TMEM235: variants seen among roughly 807,000 people sequenced by gnomAD.
TMEM235 encodes claudin-27.
Under a neutral mutation model 22.9 loss-of-function variants are expected in TMEM235, and 23 were observed. The observed-to-expected ratio is 1.00, with a 90% CI of 0.72 to 1.42. The LOEUF (loss-of-function observed/expected upper bound fraction) is 1.42. Among genes scored for constraint, TMEM235 ranks in the 40% most tolerant of loss-of-function variants. The pLI is 0.00. For missense variants in TMEM235, 308 were observed against 299.5 expected, an observed-to-expected ratio of 1.03 and a Z score of -0.21; for synonymous variants, 137 against 140.5, an observed-to-expected ratio of 0.98 and a Z score of 0.17.
rs2076611164 is a variant in TMEM235 at position 78,233,817 on chromosome 17, G to T, written c.191-78G>T. On this transcript the variant is annotated intron_variant, in intron 2 of 5. Coordinates refer to ENST00000421688, the Ensembl canonical transcript of TMEM235. ...AGCTGGCAGGGCCCTGTGGTGCCAG[G>T]GGGTCCCCTGGGCTCGGGTAGGCTG... 29 of 1,365,276 alleles carry T rather than the reference G, an allele frequency of 2.1e-5. 1 individual carries two copies. Among genetic ancestry groups the T allele is most frequent in the Non-Finnish European group, 2.6e-5 (26 of 998,164 alleles). The allele number at this position is 1,365,276 out of a possible 1,614,324, so 84.6% of individuals were successfully genotyped here.
chr17:78,231,955 C>T, exon 2 of TMEM235: 1 of 1,067,792 alleles, frequency 9.4e-7, no homozygotes, highest in Non-Finnish European at 1.1e-6. Flanking sequence ...CGGCTCCCGG[C>T]TCCGCGCGCC....
chr17:78,238,201 G>C lies in TMEM235; in HGVS notation c.410-823G>C, dbSNP rs2076665355. ...ACAGGAAAATGCCCTGGAGGCATGGGCCGAGTCCCCTACCTAGCTCGTTGC... is the reference window on the plus strand; with the variant it reads ...ACAGGAAAATGCCCTGGAGGCATGGCCCGAGTCCCCTACCTAGCTCGTTGC... On this transcript the variant is annotated intron_variant, in intron 4 of 5. Transcript: ENST00000421688. This position sits in a 1 kb window ranked among gnomAD's most constrained non-coding sequence, Gnocchi z 4.3. 6.6e-6 allele frequency among the ~76,000 whole-genome samples: 1 copy of C among 152,240 alleles called. No individual in the cohort carries two copies. Among genetic ancestry groups the C allele is most frequent in the African/African-American group, 2.4e-5 (1 of 41,470 alleles).
exon 6 of TMEM235, chr17:78,239,856 AAGGCC>A (rs2076689359): frequency 6.4e-7 from 1 of 1,551,288 alleles, no homozygotes; most frequent in Non-Finnish European, 8.7e-7. Flanking sequence ...GTCTCAGGCC[AAGGCC>A]TCCCTGGCCT....
intron 2 of TMEM235, among the ~76,000 whole-genome samples, chr17:78,232,806 G>A (rs1015775251): frequency 6.6e-6 from 1 of 152,204 alleles, no homozygotes; most frequent in Admixed American, 6.5e-5. Flanking sequence ...GGCAGGGCAG[G>A]GGTGTGTGTG....
rs2076679442 is a variant in TMEM235 at position 78,239,119 on chromosome 17, G to GGC, written c.507_508dup (p.Val170AlafsTer36). Reference sequence around the variant, plus strand: ...GCAGTATGGCCCGCAGCACATGCAGGGCGTCCGCGTCAGCTTCGGCTGGTC... The same window carrying GGC: ...GCAGTATGGCCCGCAGCACATGCAGGGCGCGTCCGCGTCAGCTTCGGCTGGTC... On this transcript the variant is annotated frameshift_variant, in exon 5 of 6. Transcript: ENST00000421688. LOFTEE classifies it high-confidence loss of function. 1 of 1,543,596 alleles carries GGC rather than the reference G, an allele frequency of 6.5e-7. No individual in the cohort carries two copies.
chr17:78,239,173 T>C (rs1264458931), exon 5 of TMEM235: 3 of 1,542,928 alleles, frequency 1.9e-6, no homozygotes, highest in Admixed American at 2.0e-5. Context: ...CTCCTGTGCC[T>C]TGGAGGCATT....
intron 2 of TMEM235, among the ~76,000 whole-genome samples, chr17:78,232,942 AAT>A (rs1196623604): frequency 2.0e-5 from 3 of 152,038 alleles, no homozygotes; most frequent in Non-Finnish European, 4.4e-5. Context: ...TGTGCATGTG[AAT>A]ATGAGTGTGT....
chr17:78,232,266 A>G, intron 2 of TMEM235, 53 bp downstream of exon 1: 2 of 1,374,274 alleles, frequency 1.5e-6, no homozygotes, highest in Non-Finnish European at 1.9e-6. Flanking sequence ...TCCCTCCGAC[A>G]CCCCCTTAAC....
intron 5 of TMEM235, 129 bp from the exon 5 acceptor site, chr17:78,239,651 C>A: frequency 6.9e-7 from 1 of 1,446,982 alleles, no homozygotes; most frequent in Non-Finnish European, 9.2e-7. Context: ...TAGTGAGTCA[C>A]TGCTGCCCCC....
At chr17:78,239,750 C>G in intron 5 of TMEM235, 30 bp from the exon 5 acceptor site, 1 of 1,527,376 alleles carries the variant, frequency 6.5e-7, no homozygotes, top group Non-Finnish European at 8.9e-7. Flanking sequence ...AATGGCCCTA[C>G]TCAATGACTA....
In TMEM235 at chr17:78,231,586, CATCCTCCTGGGGTCGGTCTCTGGCCG is replaced by C. The variant is rs768876173; in HGVS notation, c.-430_-405del. ...TGGGTGGTCCTGCTGCCTGGCCGGC[CATCCTCCTGGGGTCGGTCTCTGGCCG>C]ATCCTCCCTCCTCCTCTCAAGCCCT... On this transcript the variant is annotated 5_prime_UTR_variant, in exon 2 of 6. Coordinates refer to ENST00000421688, the Ensembl canonical transcript of TMEM235. The C allele has an allele frequency of 4.1e-5, 54 of 1,303,940 alleles. No individual in the cohort carries two copies. Among genetic ancestry groups the C allele is most frequent in the South Asian group, 3.0e-4 (24 of 80,972 alleles). 80.8% of individuals were successfully genotyped at this position (1,303,940 alleles called of 1,614,324 possible). A position where few individuals can be genotyped will look rare whatever the true frequency, so the allele number is the denominator to read the frequency against.
At chr17:78,239,304 T>A (rs2076682856) in intron 5 of TMEM235, 31 bp downstream of exon 4, 1 of 1,526,724 alleles carries the variant, frequency 6.5e-7, no homozygotes, top group African/African-American at 1.4e-5. Context: ...CCTTTGCACC[T>A]CCCGGGATTG....
At chr17:78,236,682 C>T (rs1032546672) in intron 4 of TMEM235, among the ~76,000 whole-genome samples, 14 of 152,234 alleles carry the variant, frequency 9.2e-5, no homozygotes, top group Non-Finnish European at 5.9e-5. Flanking sequence ...AGGCTAGGCC[C>T]GAGCCAGGCC....
At chr17:78,233,858 C>A in intron 2 of TMEM235, 37 bp from the exon 2 acceptor site, 2 of 1,530,116 alleles carry the variant, frequency 1.3e-6, no homozygotes, top group Admixed American at 2.0e-5. Context: ...TGCACCACAG[C>A]GTCCAGGCCC....
exon 2 of TMEM235, chr17:78,231,529 G>A (rs1346048509): frequency 2.3e-6 from 3 of 1,304,256 alleles, no homozygotes; most frequent in Non-Finnish European, 3.0e-6. Context: ...GGGCCAGCCC[G>A]TGCCAGGCTC....
chr17:78,236,430 C>T (rs562570935), intron 4 of TMEM235, among the ~76,000 whole-genome samples: 7 of 152,230 alleles, frequency 4.6e-5, no homozygotes, highest in Non-Finnish European at 1.0e-4. Flanking sequence ...TCCACTGACG[C>T]GGCTCCAGCT....
At chr17:78,234,440 A>AG (rs1194026950) in intron 3 of TMEM235, 153 bp from the exon 3 acceptor site, 3 of 1,150,024 alleles carry the variant, frequency 2.6e-6, no homozygotes, top group African/African-American at 3.1e-5. Flanking sequence ...CCAGAGTCAG[A>AG]GGGGGCCACT....
rs928372818 is a variant in TMEM235, at chr17:78,234,055, C to G, written c.271+80C>G. 6 of 1,256,470 alleles carry G rather than the reference C, an allele frequency of 4.8e-6. No individual in the cohort carries two copies. The African/African-American group carries it at 8.9e-5, about 19-fold the overall frequency. 77.8% of individuals were successfully genotyped at this position (1,256,470 alleles called of 1,614,324 possible). A position where few individuals can be genotyped will look rare whatever the true frequency, so the allele number is the denominator to read the frequency against. ...GATCCCAGCCATCCCCATCCCCATC[C>G]CGCAGCACTGCTTCCACTGCCCCTG... On this transcript the variant is annotated intron_variant, in intron 3 of 5. Transcript: ENST00000421688.
Position 78,234,536 on chromosome 17 carries a change from C to T in TMEM235, c.272-57C>T, listed in dbSNP as rs571922633. The T allele has an allele frequency of 7.2e-4, 1,095 of 1,530,514 alleles. 3 individuals are homozygous for T. The highest frequency in any genetic ancestry group is 9.3e-4 in the South Asian group (78 of 83,880). The allele number at this position is 1,530,514 out of a possible 1,614,324, so 94.8% of individuals were successfully genotyped here. On this transcript the variant is annotated intron_variant, in intron 3 of 5. Coordinates refer to ENST00000421688, the Ensembl canonical transcript of TMEM235. ...CACCACGTCACTGTCCTCCGGCAGACAAGTGCTGAAGGGCCCACCTGGACC... is the reference window on the plus strand; with the variant it reads ...CACCACGTCACTGTCCTCCGGCAGATAAGTGCTGAAGGGCCCACCTGGACC...
Sources: gnomAD v4.1 joint callset for allele counts (sites outside exome capture counted in the v4.1 genomes callset) on GRCh38, gnomAD v4.1.1 for gene constraint, Gnocchi (gnomAD v3.1) non-coding constraint, MANE v1.5 for transcripts, NCBI Gene and HGNC (gene_info 2026-07-23, HGNC 2026-07-21) for gene names.